SLFN12L: variants seen among roughly 807,000 people sequenced by gnomAD.
SLFN12L encodes schlafen family member 12 like.
In SLFN12L, 34 loss-of-function variants were observed where a neutral mutation model predicts 34.8. That is an observed-to-expected ratio of 0.98 (90% CI 0.74 to 1.30). SLFN12L has a LOEUF of 1.30. SLFN12L is among the 50% of genes most tolerant of loss of function. SLFN12L has a pLI of 0.00. For missense variants in SLFN12L, 703 were observed against 696.2 expected (o/e 1.01, Z -0.11); for synonymous variants, 259 against 247.5 (o/e 1.05, Z -0.44).
rs1365689687 is a variant in SLFN12L at position 35,467,614 on chromosome 17, C to A, written c.*7309G>T. Among the ~76,000 whole-genome samples the A allele has an allele frequency of 1.3e-5, 2 of 152,172 alleles. No individual in the cohort carries two copies. Among genetic ancestry groups the A allele is most frequent in the Non-Finnish European group, 2.9e-5 (2 of 68,026 alleles). The stretch of plus-strand genomic sequence containing the variant: ...AACTTCTTTTAAAGTTCCAGTCCAA[C>A]AAATGGACCTCTCAATGGGTCTTTA... On this transcript the variant is annotated 3_prime_UTR_variant, in exon 5 of 5. Coordinates refer to ENST00000628453, the MANE Select transcript of SLFN12L (RefSeq NM_001363830.2).
intron 1 of SLFN12L, among the ~76,000 whole-genome samples, chr17:35,534,439 G>GATGAACA (rs2072439995): frequency 1.3e-5 from 2 of 152,214 alleles, no homozygotes; most frequent in Non-Finnish European, 2.9e-5. Flanking sequence ...ATTTTTCAAA[G>GATGAACA]TCCTTTCTAG....
intron 2 of SLFN12L, among the ~76,000 whole-genome samples, chr17:35,506,896 C>T (rs1435319980): frequency 2.0e-5 from 3 of 152,216 alleles, no homozygotes; most frequent in Non-Finnish European, 4.4e-5. Flanking sequence ...GGACTTCACC[C>T]TTCCTGTGGG....
intron 2 of SLFN12L, among the ~76,000 whole-genome samples, chr17:35,491,801 G>T (rs2142141121): frequency 6.6e-6 from 1 of 152,334 alleles, no homozygotes; most frequent in South Asian, 2.1e-4. Flanking sequence ...TCATAATTCA[G>T]TTTAAGCTAT....
chr17:35,479,713 T>A lies in SLFN12L; in HGVS notation c.569A>T (p.Asp190Val). 6.2e-7 allele frequency: 1 copy of A among 1,614,132 alleles called. No homozygotes were observed. Among genetic ancestry groups the A allele is most frequent in the Non-Finnish European group, 8.5e-7 (1 of 1,179,992 alleles). The change falls in exon 3 of 5, where the codon GAC becomes GTC. Residue 190 changes from aspartate to valine, a missense_variant. Transcript: ENST00000628453. ...NASAALEFLKDMEKTGGRAYL... is the reference protein window; with the variant it reads ...NASAALEFLKVMEKTGGRAYL... ...TGCTCTCCCTCCAGTTTTTTCCATGTCTTTGAGGAACTCCAGTGCAGCAGA... is the reference window on the plus strand; with the variant it reads ...TGCTCTCCCTCCAGTTTTTTCCATGACTTTGAGGAACTCCAGTGCAGCAGA...
chr17:35,525,060 A>T (rs989139721), intron 1 of SLFN12L, among the ~76,000 whole-genome samples: 7 of 152,164 alleles, frequency 4.6e-5, no homozygotes, highest in African/African-American at 1.7e-4. Flanking sequence ...TTCGTGAAAC[A>T]TACACAAGTA....
chr17:35,497,623 C>T (rs899587257), intron 2 of SLFN12L, among the ~76,000 whole-genome samples: 3 of 152,132 alleles, frequency 2.0e-5, no homozygotes, highest in African/African-American at 7.2e-5. Context: ...ATACACTCAT[C>T]TGACTTGGTA....
At chr17:35,491,152 A>C in intron 2 of SLFN12L, 1 of 798,890 alleles carries the variant, frequency 1.3e-6, no homozygotes, top group South Asian at 1.5e-5. Context: ...GCTCCTCCTG[A>C]GCCTCGGGGA....
intron 2 of SLFN12L, among the ~76,000 whole-genome samples, chr17:35,515,544 C>G (rs1207366000): frequency 6.6e-6 from 1 of 152,106 alleles, no homozygotes; most frequent in East Asian, 1.9e-4. Context: ...TCTCAACTCA[C>G]TGCCACCTGC....
intron 1 of SLFN12L, among the ~76,000 whole-genome samples, chr17:35,525,760 C>T (rs998828878): frequency 3.3e-5 from 5 of 152,158 alleles, no homozygotes; most frequent in African/African-American, 1.2e-4. Flanking sequence ...AAAAACATAC[C>T]AAATTGTAAA....
In SLFN12L at chr17:35,471,420, A is replaced by G. The variant is rs572211625; in HGVS notation, c.*3503T>C. ...CCAAAGTGCTGGGATTACAGGCATG[A>G]GCCACCGCGCCACGCCTGCATGTAT... On this transcript the variant is annotated 3_prime_UTR_variant, in exon 5 of 5. Coordinates refer to ENST00000628453, the MANE Select transcript of SLFN12L (RefSeq NM_001363830.2). Among the ~76,000 whole-genome samples, 1 of 152,256 alleles carries G rather than the reference A, an allele frequency of 6.6e-6. No individual in the cohort carries two copies. The highest frequency in any genetic ancestry group is 2.4e-5 in the African/African-American group (1 of 41,552).
At chr17:35,508,339 G>A (rs1915531740) in intron 2 of SLFN12L, among the ~76,000 whole-genome samples, 1 of 152,146 alleles carries the variant, frequency 6.6e-6, no homozygotes, top group African/African-American at 2.4e-5. Context: ...TGTCTGAGTG[G>A]TTTTGTCTGC....
intron 1 of SLFN12L, among the ~76,000 whole-genome samples, chr17:35,525,511 C>T (rs2072325275): frequency 6.6e-6 from 1 of 152,192 alleles, no homozygotes; most frequent in African/African-American, 2.4e-5. Flanking sequence ...CAGCAGATCT[C>T]TCTGCAGAAA....
intron 2 of SLFN12L, among the ~76,000 whole-genome samples, chr17:35,521,840 C>T (rs576606084): frequency 1.3e-5 from 2 of 152,246 alleles, no homozygotes; most frequent in African/African-American, 2.4e-5. Context: ...TGCCACTGTA[C>T]TCCAGCCTGG....
In SLFN12L at chr17:35,468,649, C is replaced by T. The variant is rs1913753297; in HGVS notation, c.*6274G>A. On this transcript the variant is annotated 3_prime_UTR_variant, in exon 5 of 5. Coordinates refer to ENST00000628453, the MANE Select transcript of SLFN12L (RefSeq NM_001363830.2). The stretch of plus-strand genomic sequence containing the variant: ...ATCATCCTGGCATACTCCTTGCTCT[C>T]TGCCAAAACATACACCCCGCACTCC... 6.6e-6 allele frequency among the ~76,000 whole-genome samples: 1 copy of T among 152,200 alleles called. No individual in the cohort carries two copies. The highest frequency in any genetic ancestry group is 2.4e-5 in the African/African-American group (1 of 41,436).
chr17:35,477,996 C>T lies in SLFN12L; in HGVS notation c.1276+79G>A, dbSNP rs982444086. 4.8e-6 allele frequency: 4 copies of T among 841,152 alleles called. No individual in the cohort carries two copies. In the East Asian group the frequency reaches 1.2e-4, roughly 24 times the overall value. The allele number at this position is 841,152 out of a possible 1,614,324, so 52.1% of individuals were successfully genotyped here. A position where few individuals can be genotyped will look rare whatever the true frequency, so the allele number is the denominator to read the frequency against. On this transcript the variant is annotated intron_variant, in intron 4 of 4. Transcript: ENST00000628453. ...AAGAATGTGCTTCCATAACAAATAT[C>T]AAGACAGAGCTGGTTTGAAGAGAAG...
intron 1 of SLFN12L, among the ~76,000 whole-genome samples, 172 bp downstream of exon 1, chr17:35,537,401 A>G (rs1044302210): frequency 1.3e-5 from 2 of 152,162 alleles, no homozygotes; most frequent in Non-Finnish European, 2.9e-5. Flanking sequence ...TATTTATTAA[A>G]AGTGTAGACC....
Position 35,474,593 on chromosome 17 carries a change from G to A in SLFN12L, c.*330C>T. On this transcript the variant is annotated 3_prime_UTR_variant, in exon 5 of 5. Transcript: ENST00000628453. ...TATCTATACTGATTATCTGGGAGAT[G>A]CTGGAAATGTCAAAGGCTAATTGGT... 4.3e-6 allele frequency: 1 copy of A among 230,554 alleles called. No homozygotes were observed. 14.3% of individuals were successfully genotyped at this position (230,554 alleles called of 1,614,324 possible).
chr17:35,490,291 A>G, intron 2 of SLFN12L: 2 of 1,483,764 alleles, frequency 1.3e-6, no homozygotes, highest in Non-Finnish European at 1.9e-6. Context: ...AGGGCAAAGG[A>G]AGAGCTGCAC....
intron 1 of SLFN12L, among the ~76,000 whole-genome samples, chr17:35,527,537 G>C (rs1409097586): frequency 6.6e-6 from 1 of 152,138 alleles, no homozygotes; most frequent in East Asian, 1.9e-4. Context: ...GGGATGCAAG[G>C]CTGGTTGAAC....
Sources: gnomAD v4.1 joint callset for allele counts (sites outside exome capture counted in the v4.1 genomes callset) on GRCh38, gnomAD v4.1.1 for gene constraint, MANE v1.5 for transcripts, NCBI Gene and HGNC (gene_info 2026-07-23, HGNC 2026-07-21) for gene names.